LAMP1: variants seen among roughly 807,000 people sequenced by gnomAD.
LAMP1 encodes lysosome-associated membrane glycoprotein 1.
In LAMP1, 7 loss-of-function variants were observed where a neutral mutation model predicts 37.5. That is an observed-to-expected ratio of 0.19 (90% confidence interval 0.11 to 0.35). The LOEUF is 0.35. LAMP1 is among the 10% of genes least tolerant of loss of function. The probability of loss-of-function intolerance (pLI) is 1.00; values close to 1 mark genes in which losing one functional copy is unlikely to be tolerated. For synonymous variants in LAMP1, 236 were observed against 229.1 expected (o/e 1.03, Z -0.27); for missense variants, 537 against 552.8 (o/e 0.97, Z 0.29).
In LAMP1 at chr13:113,309,825, G is replaced by A; in HGVS notation, c.366G>A (p.Leu122=). 6.2e-7 allele frequency: 1 copy of A among 1,613,598 alleles called. No individual in the cohort carries two copies. The highest frequency in any genetic ancestry group is 1.3e-5 in the African/African-American group (1 of 75,022). The part of the protein sequence containing the change: ...SVQLMSFVYN[L]SDTHLFPNAS... ...AGCTCATGAGTTTTGTTTATAACTT[G>A]TCAGACACACACCTTTTCCCCAATG... Residue 122 remains leucine (L), a synonymous_variant, in exon 3 of 9, where the codon TTG becomes TTA. Transcript: ENST00000332556.
chr13:113,319,817 G>GT (rs1015664686), intron 5 of LAMP1, among the ~76,000 whole-genome samples, 161 bp downstream of exon 5: 1 of 152,248 alleles, frequency 6.6e-6, no homozygotes, highest in Non-Finnish European at 1.5e-5. Flanking sequence ...GCTGGCGTCT[G>GT]TGTCAGTGAG....
chr13:113,313,680 G>A (rs1263790269), intron 4 of LAMP1, among the ~76,000 whole-genome samples: 1 of 141,308 alleles, frequency 7.1e-6, no homozygotes, highest in Non-Finnish European at 1.5e-5. Flanking sequence ...CCGTGTGCCT[G>A]GGGCATGGCC....
intron 4 of LAMP1, among the ~76,000 whole-genome samples, chr13:113,318,313 G>T (rs558133431): frequency 1.3e-5 from 2 of 152,220 alleles, no homozygotes; most frequent in East Asian, 3.8e-4. Context: ...TGAGATGGAA[G>T]CGGAAGCAGC....
At position 113,319,354 on chromosome 13, in the gene LAMP1, T is replaced by C. The variant is rs908586403; in HGVS notation, c.563-115T>C. 3.2e-6 allele frequency: 3 copies of C among 923,664 alleles called. No homozygotes were observed. In the African/African-American group the frequency reaches 5.0e-5, roughly 15 times the overall value. The allele number at this position is 923,664 out of a possible 1,614,324, so 57.2% of individuals were successfully genotyped here. Reference sequence around the variant, plus strand: ...CCACCTTGGGAGACTGAGAAAATAGTCACCAAGGACGCCAGAGTCCACAGA... The same window carrying C: ...CCACCTTGGGAGACTGAGAAAATAGCCACCAAGGACGCCAGAGTCCACAGA... On this transcript the variant is annotated intron_variant, in intron 4 of 8. Transcript: ENST00000332556.
Position 113,323,156 on chromosome 13 carries a change from G to C in LAMP1, c.*735G>C, listed in dbSNP as rs202113105. ...CGGGCCACACGTGGCTGGCGGCCTC[G>C]TTCCAGTGGCGGCACGTCCTTGGGC... On this transcript the variant is annotated 3_prime_UTR_variant, in exon 9 of 9. Coordinates refer to ENST00000332556, the MANE Select transcript of LAMP1 (RefSeq NM_005561.4). 6.6e-6 allele frequency: 1 copy of C among 152,218 alleles called. No homozygotes were observed. The highest frequency in any genetic ancestry group is 2.1e-4 in the South Asian group (1 of 4,834). 9.4% of individuals were successfully genotyped at this position (152,218 alleles called of 1,614,324 possible).
chr13:113,316,634 G>A (rs1027040371), intron 4 of LAMP1, among the ~76,000 whole-genome samples: 90 of 152,156 alleles, frequency 5.9e-4, no homozygotes, highest in African/African-American at 1.9e-3. Context: ...TGTTAACCAG[G>A]ATGGTCTTGA....
In LAMP1 at chr13:113,321,051, CA is replaced by C. The variant is rs1244050655; in HGVS notation, c.877-352del. The C allele has an allele frequency of 1.9e-5, 6 of 320,990 alleles. No individual in the cohort carries two copies. The East Asian group carries it at 5.0e-4, about 27-fold the overall frequency. 19.9% of individuals were successfully genotyped at this position (320,990 alleles called of 1,614,324 possible). ...AACGAGTTAGCTGGGCGTAGTGGCG[CA>C]CACCTGTGGTCCCAGCTACTTGGGA... On this transcript the variant is annotated intron_variant, in intron 6 of 8. Coordinates refer to ENST00000332556, the MANE Select transcript of LAMP1 (RefSeq NM_005561.4). This position sits in a 1 kb window ranked among gnomAD's most constrained non-coding sequence, Gnocchi z 5.6.
rs773319736 is a variant in LAMP1, at chr13:113,306,551, T to C, written c.128T>C (p.Met43Thr). ...AATGGCAACGGGACCGCGTGCATAATGGCCAACTTCTCTGCTGCCTTCTCA... is the reference window on the plus strand; with the variant it reads ...AATGGCAACGGGACCGCGTGCATAACGGCCAACTTCTCTGCTGCCTTCTCA... ...VKNGNGTACI[M>T]ANFSAAFSVN... The change falls in exon 2 of 9, where the codon ATG becomes ACG. Residue 43 changes from methionine to threonine, a missense_variant. Physicochemically the swap from Met to Thr is moderately conservative, Grantham distance 81. Transcript: ENST00000332556. 1 of 1,614,170 alleles carries C rather than the reference T, an allele frequency of 6.2e-7. No individual in the cohort carries two copies. The highest frequency in any genetic ancestry group is 8.5e-7 in the Non-Finnish European group (1 of 1,180,022).
intron 1 of LAMP1, among the ~76,000 whole-genome samples, chr13:113,299,538 C>A (rs902300245): frequency 2.0e-5 from 3 of 149,654 alleles, no homozygotes; most frequent in African/African-American, 7.4e-5. Context: ...GCTGGGAGTA[C>A]GGGTTTGAGC....
At chr13:113,322,025 A>G in intron 8 of LAMP1, 1 of 582,918 alleles carries the variant, frequency 1.7e-6, no homozygotes, top group Non-Finnish European at 3.0e-6. Flanking sequence ...ATGTGCACAG[A>G]GGCCCTGGAC....
At position 113,309,496 on chromosome 13, in the gene LAMP1, G is replaced by C. The variant is rs1162056180; in HGVS notation, c.184-147G>C. ...TGACATGTAATACTAACCTTTTTTTGGTTTATATTAAAAATGAGTACCTCA... is the reference window on the plus strand; with the variant it reads ...TGACATGTAATACTAACCTTTTTTTCGTTTATATTAAAAATGAGTACCTCA... On this transcript the variant is annotated intron_variant, in intron 2 of 8. Coordinates refer to ENST00000332556, the MANE Select transcript of LAMP1 (RefSeq NM_005561.4). 6.6e-6 allele frequency: 4 copies of C among 605,078 alleles called. No homozygotes were observed. In the South Asian group the frequency reaches 9.4e-5, roughly 14 times the overall value. 37.5% of individuals were successfully genotyped at this position (605,078 alleles called of 1,614,324 possible).
intron 1 of LAMP1, among the ~76,000 whole-genome samples, chr13:113,302,640 C>G (rs1566397324): frequency 3.3e-5 from 5 of 151,986 alleles, no homozygotes; most frequent in Admixed American, 2.6e-4. Context: ...GTTGACCAGC[C>G]TGGTCTGGAA....
intron 2 of LAMP1, 109 bp from the exon 3 acceptor site, chr13:113,309,534 T>G (rs2042617812): frequency 2.5e-6 from 2 of 801,266 alleles, no homozygotes; most frequent in Non-Finnish European, 4.0e-6. Context: ...AGTGATATCT[T>G]AGTTGGAAAT....
intron 1 of LAMP1, among the ~76,000 whole-genome samples, chr13:113,300,919 G>A (rs1211980252): frequency 6.6e-6 from 1 of 152,200 alleles, no homozygotes; most frequent in Non-Finnish European, 1.5e-5. Context: ...CAGATTTGAG[G>A]TCAGAATGTC....
chr13:113,298,720 C>T (rs991423505), intron 1 of LAMP1, among the ~76,000 whole-genome samples: 2 of 152,176 alleles, frequency 1.3e-5, no homozygotes, highest in South Asian at 2.1e-4. Context: ...TCAGCTCCTG[C>T]GACAGGGTCA....
chr13:113,319,342 C>A, intron 4 of LAMP1, 127 bp from the exon 5 acceptor site: 1 of 839,580 alleles, frequency 1.2e-6, no homozygotes, highest in Non-Finnish European at 1.8e-6. Context: ...CCTTGGGAGA[C>A]TGAGAAAATA....
chr13:113,321,531 C>A lies in LAMP1; in HGVS notation c.944-26C>A. 6.2e-7 allele frequency: 1 copy of A among 1,613,920 alleles called. No homozygotes were observed. The highest frequency in any genetic ancestry group is 1.1e-5 in the South Asian group (1 of 91,086). ...CCCGCGCGCCCAGGGTATTCTGGAG[C>A]CACTAGACCTCTGTGTGTGTTGCAG... On this transcript the variant is annotated intron_variant, in intron 7 of 8. Transcript: ENST00000332556. This position sits in a 1 kb window ranked among gnomAD's most constrained non-coding sequence, Gnocchi z 5.6.
intron 1 of LAMP1, chr13:113,304,868 G>C (rs2042590621): frequency 6.6e-6 from 1 of 152,066 alleles, no homozygotes; most frequent in Non-Finnish European, 1.5e-5. Flanking sequence ...TGTTGGGTAG[G>C]CTGGTCTTGA....
At chr13:113,307,812 A>AAAG (rs2042608013) in intron 2 of LAMP1, among the ~76,000 whole-genome samples, 1 of 150,304 alleles carries the variant, frequency 6.7e-6, no homozygotes, top group African/African-American at 2.4e-5. Flanking sequence ...AAAAAAAAAA[A>AAAG]GCCAGACATG....
Sources: gnomAD v4.1 joint callset for allele counts (sites outside exome capture counted in the v4.1 genomes callset) on GRCh38, gnomAD v4.1.1 for gene constraint, Gnocchi (gnomAD v3.1) non-coding constraint, MANE v1.5 for transcripts, NCBI Gene and HGNC (gene_info 2026-07-23, HGNC 2026-07-21) for gene names.